Variants in PRKG1 observed in about 807,000 individuals in gnomAD.
PRKG1 encodes the protein protein kinase cGMP-dependent 1, also known as cGMP-dependent protein kinase 1.
PRKG1 carries 35 observed loss-of-function variants against 88.1 expected under a neutral mutation model. The ratio of observed to expected loss-of-function variants is 0.40; its 90% CI spans 0.30 to 0.53. The LOEUF (loss-of-function observed/expected upper bound fraction) is 0.53. Among genes scored for constraint, PRKG1 ranks in the 20% least tolerant of loss-of-function variants. The pLI is 0.59. For synonymous variants in PRKG1, 303 were observed against 292.5 expected, an observed-to-expected ratio of 1.04 and a Z score of -0.37; for missense variants, 540 against 839.8, an observed-to-expected ratio of 0.64 and a Z score of 4.41.
At chr10:51,070,870 G>A (rs1843816939), upstream of PRKG1, among the ~76,000 whole-genome samples, 1 of 152,204 alleles carries the variant, frequency 6.6e-6, no homozygotes, top group Admixed American at 6.5e-5. Context: ...CTGAAAAACA[G>A]GTTGTGAGTT....
At chr10:51,973,203 A>C (rs537743340) in intron 5 of PRKG1, among the ~76,000 whole-genome samples, 1 of 152,230 alleles carries the variant, frequency 6.6e-6, no homozygotes, top group East Asian at 1.9e-4. Context: ...GAGCTGAAAA[A>C]CACTGTTGCT....
chr10:52,166,841 A>ATCTG (rs1838479498), intron 9 of PRKG1, among the ~76,000 whole-genome samples: 1 of 111,738 alleles, frequency 8.9e-6, no homozygotes, highest in African/African-American at 3.2e-5. Context: ...ATATATATGT[A>ATCTG]TATATATGTC....
rs117497540 is a variant in PRKG1, at chr10:51,147,322, C to T, written c.312-5842C>T. 2.2e-3 allele frequency among the ~76,000 whole-genome samples: 335 copies of T among 151,956 alleles called. 1 individual carries two copies. The highest frequency in any genetic ancestry group is 3.3e-3 in the Non-Finnish European group (221 of 67,946). ...ACACAAAGAAATAACAAATGTTTAA[C>T]GTGATGGATATGATAATTACCCTGA... On this transcript the variant is annotated intron_variant, in intron 1 of 17. Coordinates refer to ENST00000373980, the MANE Select transcript of PRKG1 (RefSeq NM_006258.4).
intron 4 of PRKG1, among the ~76,000 whole-genome samples, chr10:51,864,551 T>A (rs1429787800): frequency 6.6e-6 from 1 of 152,206 alleles, no homozygotes; most frequent in East Asian, 1.9e-4. Flanking sequence ...GTTAAAACAT[T>A]TTTTATGCTC....
chr10:51,876,035 T>A (rs2132868696), intron 4 of PRKG1, among the ~76,000 whole-genome samples: 1 of 152,246 alleles, frequency 6.6e-6, no homozygotes, highest in Non-Finnish European at 1.5e-5. Flanking sequence ...ACATGGGATT[T>A]GTAAACTTTT....
intron 3 of PRKG1, among the ~76,000 whole-genome samples, chr10:51,628,789 C>G (rs1351486082): frequency 6.6e-6 from 1 of 151,458 alleles, no homozygotes. Context: ...GAAACCCCGT[C>G]TCTACTAAAA....
intron 7 of PRKG1, among the ~76,000 whole-genome samples, chr10:52,101,080 C>G (rs1414984074): frequency 6.6e-6 from 1 of 152,162 alleles, no homozygotes; most frequent in East Asian, 1.9e-4. Flanking sequence ...ATTGATGAAT[C>G]TGTCTCCTTA....
At chr10:51,043,357 G>A (rs776542868) in intron 1 of PRKG1, among the ~76,000 whole-genome samples, 8 of 152,046 alleles carry the variant, frequency 5.3e-5, no homozygotes, top group East Asian at 1.9e-4. Flanking sequence ...TTCCTGTGCC[G>A]TGCCCCCCAA....
intron 8 of PRKG1, among the ~76,000 whole-genome samples, chr10:52,147,602 G>A (rs958770805): frequency 2.6e-5 from 4 of 152,182 alleles, no homozygotes; most frequent in South Asian, 4.1e-4. Context: ...ACTGGAAAGC[G>A]TGGTTGTGTT....
chr10:51,892,023 A>C (rs1841733823), intron 4 of PRKG1, among the ~76,000 whole-genome samples: 1 of 152,188 alleles, frequency 6.6e-6, no homozygotes, highest in South Asian at 2.1e-4. Context: ...GGAGCAATTC[A>C]CAAGGAGGCC....
At position 52,241,173 on chromosome 10, in the gene PRKG1, C is replaced by T. The variant is rs568969765; in HGVS notation, c.1077-10397C>T. On this transcript the variant is annotated intron_variant, in intron 9 of 17. Coordinates refer to ENST00000373980, the MANE Select transcript of PRKG1 (RefSeq NM_006258.4). ...CAGGGTCTCCTGCCTGCCTGTTTTGCGTACCAGGAGTTGAAAGCAGGACTC... is the reference window on the plus strand; with the variant it reads ...CAGGGTCTCCTGCCTGCCTGTTTTGTGTACCAGGAGTTGAAAGCAGGACTC... Among the ~76,000 whole-genome samples, 5 of 152,212 alleles carry T rather than the reference C, an allele frequency of 3.3e-5. No homozygotes were observed. The South Asian group carries it at 6.2e-4, about 19-fold the overall frequency.
intron 7 of PRKG1, among the ~76,000 whole-genome samples, chr10:52,118,545 A>G (rs903370517): frequency 6.6e-6 from 1 of 152,058 alleles, no homozygotes; most frequent in Non-Finnish European, 1.5e-5. Flanking sequence ...GGCAAGTTTA[A>G]TATGTCACAA....
At chr10:51,166,396 T>A (rs1235134026) in intron 2 of PRKG1, among the ~76,000 whole-genome samples, 1 of 152,180 alleles carries the variant, frequency 6.6e-6, no homozygotes, top group Non-Finnish European at 1.5e-5. Flanking sequence ...AACGGTGGGT[T>A]GGTGGTATAG....
At chr10:51,506,787 C>A (rs1389778278) in intron 3 of PRKG1, among the ~76,000 whole-genome samples, 2 of 152,218 alleles carry the variant, frequency 1.3e-5, no homozygotes, top group South Asian at 4.1e-4. Flanking sequence ...TTGACCCAGC[C>A]ATCCCATTAC....
At chr10:52,015,344 T>C (rs1460300630) in intron 5 of PRKG1, among the ~76,000 whole-genome samples, 2 of 152,208 alleles carry the variant, frequency 1.3e-5, no homozygotes, top group African/African-American at 4.8e-5. Flanking sequence ...TAGCCTGAGC[T>C]GTAAATTGGC....
intron 5 of PRKG1, among the ~76,000 whole-genome samples, chr10:52,044,665 A>G (rs1280503759): frequency 6.6e-6 from 1 of 152,156 alleles, no homozygotes; most frequent in African/African-American, 2.4e-5. Context: ...ACTTTTCCAG[A>G]TTATACTTAT....
At chr10:51,172,828 T>C (rs1399315427) in intron 2 of PRKG1, among the ~76,000 whole-genome samples, 1 of 152,062 alleles carries the variant, frequency 6.6e-6, no homozygotes, top group Admixed American at 6.6e-5. Flanking sequence ...ACATTCTTAA[T>C]TTACTAATAC....
At chr10:52,132,927 A>C (rs948102479) in intron 7 of PRKG1, among the ~76,000 whole-genome samples, 1 of 152,108 alleles carries the variant, frequency 6.6e-6, no homozygotes, top group African/African-American at 2.4e-5. Context: ...CCACCCCCTC[A>C]AGTATTTATC....
At chr10:51,210,721 T>G (rs1408950652) in intron 2 of PRKG1, among the ~76,000 whole-genome samples, 1 of 152,038 alleles carries the variant, frequency 6.6e-6, no homozygotes, top group African/African-American at 2.4e-5. Context: ...CTAGAAGAAA[T>G]GGATAAATTC....
Sources: gnomAD v4.1 joint callset for allele counts (sites outside exome capture counted in the v4.1 genomes callset) on GRCh38, gnomAD v4.1.1 for gene constraint, MANE v1.5 for transcripts, NCBI Gene and HGNC (gene_info 2026-07-23, HGNC 2026-07-21) for gene names.